Variants in NPLOC4 observed in about 807,000 individuals in gnomAD.
NPLOC4 encodes the protein NPL4 homolog, ubiquitin recognition factor, also known as nuclear protein localization protein 4 homolog.
In NPLOC4, 18 loss-of-function variants were observed where a neutral mutation model predicts 80.6. That is an observed-to-expected ratio of 0.22 (90% CI 0.15 to 0.33). The LOEUF (loss-of-function observed/expected upper bound fraction) is 0.33. NPLOC4 is among the 10% of genes least tolerant of loss of function. NPLOC4 has a pLI of 1.00. For synonymous variants in NPLOC4, 313 were observed against 301.5 expected, an observed-to-expected ratio of 1.04 and a Z score of -0.39; for missense variants, 540 against 786.1, an observed-to-expected ratio of 0.69 and a Z score of 3.74.
intron 7 of NPLOC4, among the ~76,000 whole-genome samples, chr17:81,605,174 G>A (rs902668049): frequency 3.3e-5 from 5 of 151,370 alleles, no homozygotes; most frequent in South Asian, 2.1e-4. Flanking sequence ...TCAGTTACTC[G>A]GGAGGCTGAG....
intron 12 of NPLOC4, chr17:81,588,224 G>A (rs1485662768): frequency 1.3e-5 from 2 of 152,220 alleles, no homozygotes; most frequent in Admixed American, 1.3e-4. Flanking sequence ...TAAACTGCGG[G>A]ACAACTTCAG....
chr17:81,613,962 T>C (rs897247774), intron 3 of NPLOC4, among the ~76,000 whole-genome samples: 39 of 152,108 alleles, frequency 2.6e-4, no homozygotes, highest in African/African-American at 8.2e-4. Flanking sequence ...CAGACACGCA[T>C]AGGAGCTGTC....
At chr17:81,606,626 G>T (rs2035210672) in intron 7 of NPLOC4, 65 bp downstream of exon 7, 4 of 1,556,756 alleles carry the variant, frequency 2.6e-6, no homozygotes, top group East Asian at 4.5e-5. Flanking sequence ...ACTCCAAGGG[G>T]CTCTTCTGGA....
intron 11 of NPLOC4, 106 bp from the exon 12 acceptor site, chr17:81,589,210 A>C (rs2034666836): frequency 1.0e-6 from 1 of 998,242 alleles, no homozygotes; most frequent in Admixed American, 2.9e-5. Flanking sequence ...AACCCTCAAG[A>C]GTTTGTCGGG....
At chr17:81,630,589 C>T (rs1157916931) in intron 1 of NPLOC4, among the ~76,000 whole-genome samples, 2 of 152,060 alleles carry the variant, frequency 1.3e-5, no homozygotes, top group East Asian at 1.9e-4. Flanking sequence ...CCCTAAAAAA[C>T]GTTTAAAAAT....
chr17:81,612,222 G>A (rs4074916), intron 4 of NPLOC4, among the ~76,000 whole-genome samples: 68,818 of 151,624 alleles, frequency 0.45, 16,703 homozygotes, highest in Non-Finnish European at 0.55. Flanking sequence ...CCGTCCCTCC[G>A]GGGCTCAGTC....
At chr17:81,589,250 G>A in intron 11 of NPLOC4, 146 bp from the exon 12 acceptor site, 1 of 667,782 alleles carries the variant, frequency 1.5e-6, no homozygotes. Context: ...TCAGTAGTCG[G>A]CCGGGTGCGG....
chr17:81,591,883 T>A (rs765364873), intron 11 of NPLOC4, among the ~76,000 whole-genome samples: 11 of 152,204 alleles, frequency 7.2e-5, no homozygotes, highest in African/African-American at 1.7e-4. Flanking sequence ...CCCCAGCAAG[T>A]AATTTTAACA....
chr17:81,559,364 GC>G lies in NPLOC4; in HGVS notation c.1721del (p.Gly574AlafsTer19). 6.2e-7 allele frequency: 1 copy of G among 1,608,336 alleles called. No individual in the cohort carries two copies. Among genetic ancestry groups the G allele is most frequent in the Non-Finnish European group, 8.5e-7 (1 of 1,177,768 alleles). The stretch of plus-strand genomic sequence containing the variant: ...TGGCTGCAGTGGCCGTGTGTGTGGA[GC>G]CCCCGACGGCGCCGTACTCATGGAG... ...PGLHEYGAVG[G>X]STHTATAAMW... On this transcript the variant is annotated frameshift_variant, in exon 17 of 17. Transcript: ENST00000331134. LOFTEE classifies it high-confidence loss of function.
intron 9 of NPLOC4, among the ~76,000 whole-genome samples, chr17:81,599,244 G>A (rs7406667): frequency 0.14 from 21,634 of 151,492 alleles, 1,842 homozygotes; most frequent in Admixed American, 0.23. Context: ...AGCCAAGATC[G>A]TGCCACTGCA....
At chr17:81,632,302 C>T (rs2035952879) in intron 1 of NPLOC4, among the ~76,000 whole-genome samples, 1 of 150,228 alleles carries the variant, frequency 6.7e-6, no homozygotes, top group African/African-American at 2.4e-5. Context: ...TGAAACATTT[C>T]AATTCCCTTA....
At position 81,577,879 on chromosome 17, in the gene NPLOC4, T is replaced by A. The variant is rs951700397; in HGVS notation, c.1282-5791A>T. On this transcript the variant is annotated intron_variant, in intron 12 of 16. Transcript: ENST00000331134. The surrounding 1 kb of genome is among the most constrained non-coding windows in gnomAD (Gnocchi z 4.3). ...GGCCACAGGGAACTGACATGTGGCC[T>A]GGATTGCCAACACCACCAGCTTCTC... 6.6e-6 allele frequency among the ~76,000 whole-genome samples: 1 copy of A among 152,202 alleles called. No homozygotes were observed. The highest frequency in any genetic ancestry group is 2.4e-5 in the African/African-American group (1 of 41,440).
In NPLOC4 at chr17:81,557,906, C is replaced by T. The variant is rs1161867997; in HGVS notation, c.*1353G>A. On this transcript the variant is annotated 3_prime_UTR_variant, in exon 17 of 17. Transcript: ENST00000331134. ...CCTGACCACTTCAGAAGCCAACAGG[C>T]AAATGTTCTCTGTTCATAGTGCCAA... is the stretch of plus-strand genomic sequence containing the variant. The T allele has an allele frequency of 6.6e-6, 1 of 152,334 alleles. No homozygotes were observed. The highest frequency in any genetic ancestry group is 1.5e-5 in the Non-Finnish European group (1 of 68,116). 9.4% of individuals were successfully genotyped at this position (152,334 alleles called of 1,614,324 possible).
In NPLOC4 at chr17:81,559,208, T is replaced by C; in HGVS notation, c.*51A>G. 6.5e-7 allele frequency: 1 copy of C among 1,536,742 alleles called. No individual in the cohort carries two copies. Among genetic ancestry groups the C allele is most frequent in the Non-Finnish European group, 8.8e-7 (1 of 1,140,214 alleles). On this transcript the variant is annotated 3_prime_UTR_variant, in exon 17 of 17. Transcript: ENST00000331134. ...GAACACACTCAGCAACGCTTCTGGC[T>C]TCAGGAAGGGCTGGGCTGGGCCCGG... is the stretch of plus-strand genomic sequence containing the variant.
At position 81,625,681 on chromosome 17, in the gene NPLOC4, T is replaced by C. The variant is rs1398488061; in HGVS notation, c.97-3403A>G. 3.3e-5 allele frequency among the ~76,000 whole-genome samples: 5 copies of C among 151,806 alleles called. No homozygotes were observed. The South Asian group carries it at 1.0e-3, about 32-fold the overall frequency. ...AGAAGTTTAAGGCTACAATGAGATA[T>C]GATCACACCACTGCACTCCAGCCTG... On this transcript the variant is annotated intron_variant, in intron 2 of 16. Coordinates refer to ENST00000331134, the MANE Select transcript of NPLOC4 (RefSeq NM_017921.4).
In NPLOC4 at chr17:81,567,027, G is replaced by A. The variant is rs955169433; in HGVS notation, c.1566+390C>T. On this transcript the variant is annotated intron_variant, in intron 15 of 16. Coordinates refer to ENST00000331134, the MANE Select transcript of NPLOC4 (RefSeq NM_017921.4). This position sits in a 1 kb window ranked among gnomAD's most constrained non-coding sequence, Gnocchi z 4.5. ...AACCAGAGTTGATTTAGGAGGAGGG[G>A]AGATATGAGTAAAAAGCAGAGGCTG... is the stretch of plus-strand genomic sequence containing the variant. 2.0e-4 allele frequency: 39 copies of A among 191,108 alleles called. No individual in the cohort carries two copies. Among genetic ancestry groups the A allele is most frequent in the Admixed American group, 2.7e-4 (5 of 18,614 alleles). 11.8% of individuals were successfully genotyped at this position (191,108 alleles called of 1,614,324 possible). A position where few individuals can be genotyped will look rare whatever the true frequency, so the allele number is the denominator to read the frequency against.
chr17:81,606,213 C>T (rs996095538), intron 7 of NPLOC4, among the ~76,000 whole-genome samples: 3 of 152,076 alleles, frequency 2.0e-5, no homozygotes, highest in Non-Finnish European at 4.4e-5. Context: ...TCTAAGGAGC[C>T]GTTTTCTCTA....
At chr17:81,596,489 C>T (rs998829626) in intron 10 of NPLOC4, among the ~76,000 whole-genome samples, 1 of 151,960 alleles carries the variant, frequency 6.6e-6, no homozygotes, top group Admixed American at 6.6e-5. Context: ...ACACCTGAAC[C>T]CAGGAGGAGG....
intron 2 of NPLOC4, among the ~76,000 whole-genome samples, chr17:81,624,562 C>T (rs1598686283): frequency 6.6e-6 from 1 of 152,042 alleles, no homozygotes; most frequent in African/African-American, 2.4e-5. Flanking sequence ...CACGCCATTA[C>T]ACTCTAGCCT....
Sources: gnomAD v4.1 joint callset for allele counts (sites outside exome capture counted in the v4.1 genomes callset) on GRCh38, gnomAD v4.1.1 for gene constraint, Gnocchi (gnomAD v3.1) non-coding constraint, MANE v1.5 for transcripts, NCBI Gene and HGNC (gene_info 2026-07-23, HGNC 2026-07-21) for gene names.